The following PDZRN3 variants were observed in gnomAD, a reference collection of about 807,000 sequenced individuals.
The protein encoded by PDZRN3 is E3 ubiquitin-protein ligase PDZRN3.
Under a neutral mutation model 85.7 loss-of-function variants are expected in PDZRN3, and 38 were observed. The observed-to-expected ratio is 0.44, with a 90% CI of 0.34 to 0.58. The LOEUF is 0.58. Ranked by LOEUF, PDZRN3 falls within the 20% of genes least tolerant of loss-of-function variation. The pLI, the probability that PDZRN3 is intolerant of heterozygous loss-of-function variation, is 0.01. For missense variants in PDZRN3, 1,629 were observed against 1,506.4 expected, an observed-to-expected ratio of 1.08 and a Z score of -1.35; for synonymous variants, 759 against 638.0, an observed-to-expected ratio of 1.19 and a Z score of -2.86.
rs1050973254 is a variant in PDZRN3 at position 73,382,837 on chromosome 3, A to G, written c.*528T>C. On this transcript the variant is annotated 3_prime_UTR_variant, in exon 10 of 10. Coordinates refer to ENST00000263666, the MANE Select transcript of PDZRN3 (RefSeq NM_015009.3). ...CGCTGCCGGTTTGGTTATATGTATTAAATCGTTAACCACCGGGTTGGGTGG... is the reference window on the plus strand; with the variant it reads ...CGCTGCCGGTTTGGTTATATGTATTGAATCGTTAACCACCGGGTTGGGTGG... 1 of 153,918 alleles carries G rather than the reference A, an allele frequency of 6.5e-6. No individual in the cohort carries two copies. Among genetic ancestry groups the G allele is most frequent in the Non-Finnish European group, 1.5e-5 (1 of 68,928 alleles). The allele number at this position is 153,918 out of a possible 1,614,324, so 9.5% of individuals were successfully genotyped here.
chr3:73,445,519 T>C (rs1254529698), intron 3 of PDZRN3, among the ~76,000 whole-genome samples: 1 of 152,246 alleles, frequency 6.6e-6, no homozygotes, highest in East Asian at 1.9e-4. Context: ...AAGGTTCATG[T>C]GCTATCAAGT....
intron 3 of PDZRN3, among the ~76,000 whole-genome samples, chr3:73,529,663 T>A (rs1032313966): frequency 6.6e-6 from 1 of 152,234 alleles, no homozygotes; most frequent in Non-Finnish European, 1.5e-5. Flanking sequence ...TAAAGCTGGT[T>A]ATCAAGGTGA....
At chr3:73,454,863 T>C (rs1575665184) in intron 3 of PDZRN3, among the ~76,000 whole-genome samples, 1 of 152,274 alleles carries the variant, frequency 6.6e-6, no homozygotes, top group South Asian at 2.1e-4. Context: ...CTCTATGTAT[T>C]AGGATTTTAC....
chr3:73,598,293 A>AGAC (rs770976841), intron 3 of PDZRN3, among the ~76,000 whole-genome samples: 2 of 152,216 alleles, frequency 1.3e-5, no homozygotes, highest in Middle Eastern at 3.2e-3. Flanking sequence ...AATATAGTTC[A>AGAC]GACAGTAGGT....
chr3:73,552,203 G>T (rs1385633460), intron 3 of PDZRN3, among the ~76,000 whole-genome samples: 4 of 149,630 alleles, frequency 2.7e-5, no homozygotes, highest in African/African-American at 9.9e-5. Flanking sequence ...TTGCCTCTTA[G>T]GTTTCACGTG....
chr3:73,452,544 C>T (rs1283091234), intron 3 of PDZRN3, among the ~76,000 whole-genome samples: 1 of 152,180 alleles, frequency 6.6e-6, no homozygotes, highest in Non-Finnish European at 1.5e-5. Flanking sequence ...TCACAGGGAA[C>T]AAGATGTATG....
At chr3:73,596,924 G>C (rs1380238740) in intron 3 of PDZRN3, among the ~76,000 whole-genome samples, 1 of 152,130 alleles carries the variant, frequency 6.6e-6, no homozygotes, top group African/African-American at 2.4e-5. Flanking sequence ...ATATGAGAAT[G>C]TCTTATTCCT....
intron 7 of PDZRN3, among the ~76,000 whole-genome samples, chr3:73,388,638 G>A (rs906031800): frequency 2.0e-5 from 3 of 152,050 alleles, no homozygotes; most frequent in African/African-American, 7.2e-5. Context: ...TTTGAGCCCT[G>A]CTGGTCTGGA....
At chr3:73,527,338 A>C (rs1317206521) in intron 3 of PDZRN3, among the ~76,000 whole-genome samples, 1 of 152,216 alleles carries the variant, frequency 6.6e-6, no homozygotes, top group East Asian at 1.9e-4. Flanking sequence ...TTTTAAGGCC[A>C]CAAGTTATAC....
intron 3 of PDZRN3, among the ~76,000 whole-genome samples, chr3:73,550,406 G>C (rs765931495): frequency 3.9e-5 from 6 of 152,122 alleles, no homozygotes; most frequent in Non-Finnish European, 5.9e-5. Flanking sequence ...TCACCTGGAG[G>C]GTTGTTTTTA....
chr3:73,475,344 CT>C (rs1683533952), intron 3 of PDZRN3, among the ~76,000 whole-genome samples: 1 of 152,212 alleles, frequency 6.6e-6, no homozygotes, highest in Non-Finnish European at 1.5e-5. Context: ...ATTTGTTCAT[CT>C]GTGAATTGAG....
intron 1 of PDZRN3, among the ~76,000 whole-genome samples, chr3:73,610,058 T>C (rs1402573907): frequency 6.6e-6 from 1 of 152,154 alleles, no homozygotes; most frequent in Non-Finnish European, 1.5e-5. Flanking sequence ...TTCTCACGAG[T>C]AGTTATTATA....
chr3:73,388,930 C>CAAAAAAA (rs10675308), intron 7 of PDZRN3, among the ~76,000 whole-genome samples: 2 of 67,686 alleles, frequency 3.0e-5, no homozygotes, highest in Non-Finnish European at 2.7e-5. Context: ...CTCCAGCAAT[C>CAAAAAAA]AAAAAAAAAA....
At chr3:73,545,542 A>G (rs1297644382) in intron 3 of PDZRN3, among the ~76,000 whole-genome samples, 2 of 152,214 alleles carry the variant, frequency 1.3e-5, no homozygotes. Flanking sequence ...TTTACTGAGC[A>G]CTTACTACAC....
chr3:73,599,552 A>C (rs1012860006), intron 3 of PDZRN3, among the ~76,000 whole-genome samples: 9 of 152,260 alleles, frequency 5.9e-5, no homozygotes, highest in Admixed American at 5.9e-4. Context: ...CTGCATAACC[A>C]TTTAAAATGG....
chr3:73,395,915 G>A (rs1172215968), intron 5 of PDZRN3, among the ~76,000 whole-genome samples: 1 of 152,154 alleles, frequency 6.6e-6, no homozygotes, highest in African/African-American at 2.4e-5. Flanking sequence ...ATTCTAGTGG[G>A]GAAGAAAGAC....
At chr3:73,398,440 G>C (rs1199193440) in intron 5 of PDZRN3, among the ~76,000 whole-genome samples, 1 of 152,176 alleles carries the variant, frequency 6.6e-6, no homozygotes, top group African/African-American at 2.4e-5. Flanking sequence ...AGGTACCTAG[G>C]AACCTTGTTA....
At chr3:73,427,255 C>T (rs541675526) in intron 3 of PDZRN3, among the ~76,000 whole-genome samples, 2 of 152,292 alleles carry the variant, frequency 1.3e-5, no homozygotes, top group African/African-American at 2.4e-5. Context: ...TACATTTTAC[C>T]AACGTTATGA....
chr3:73,431,982 A>T (rs1245702675), intron 3 of PDZRN3, among the ~76,000 whole-genome samples: 1 of 152,232 alleles, frequency 6.6e-6, no homozygotes, highest in African/African-American at 2.4e-5. Context: ...TAATTAATAC[A>T]TCCACAACTG....
Sources: allele counts gnomAD v4.1 joint callset (sites outside exome capture counted in the v4.1 genomes callset), GRCh38; gene constraint gnomAD v4.1.1; transcripts MANE v1.5; gene names NCBI Gene and HGNC (gene_info 2026-07-23, HGNC 2026-07-21).